Variants in RBM33 observed in about 807,000 individuals in gnomAD.
The protein encoded by RBM33 is RNA binding motif protein 33.
A neutral mutation model predicts 132.6 loss-of-function variants in RBM33; 28 were observed. The ratio of observed to expected loss-of-function variants is 0.21; its 90% CI spans 0.16 to 0.29. The LOEUF is 0.29. Ranked by LOEUF, RBM33 falls within the 10% of genes least tolerant of loss-of-function variation. RBM33 has a pLI of 1.00. For synonymous variants in RBM33, 634 were observed against 593.0 expected (o/e 1.07, Z -1.01); for missense variants, 1,291 against 1,518.5 (o/e 0.85, Z 2.49).
intron 1 of RBM33, among the ~76,000 whole-genome samples, chr7:155,660,475 C>A (rs1478476149): frequency 6.6e-6 from 1 of 152,220 alleles, no homozygotes; most frequent in African/African-American, 2.4e-5. Flanking sequence ...GTTCTGCCAG[C>A]AACAGATTTC....
intron 1 of RBM33, among the ~76,000 whole-genome samples, chr7:155,657,393 A>G (rs1419285986): frequency 6.6e-6 from 1 of 152,230 alleles, no homozygotes; most frequent in Non-Finnish European, 1.5e-5. Context: ...TGAATCAAAA[A>G]TCAGTGAGGA....
chr7:155,688,431 A>C (rs185641873), intron 5 of RBM33, among the ~76,000 whole-genome samples: 1 of 152,178 alleles, frequency 6.6e-6, no homozygotes, highest in Admixed American at 6.5e-5. Context: ...AACAGGGACA[A>C]TTTGACTTCC....
rs751692002 is a variant in RBM33 at position 155,745,287 on chromosome 7, C to G, written c.2664C>G (p.Pro888=). Residue 888 remains proline (P), a synonymous_variant, in exon 14 of 18, where the codon CCC becomes CCG. Transcript: ENST00000401878. This position sits in a 1 kb window ranked among gnomAD's most constrained non-coding sequence, Gnocchi z 4.1. ...NQDVSISNVQ[P]KTSNFVPSSA... The stretch of plus-strand genomic sequence containing the variant: ...ATGTCAGTATTTCAAACGTTCAGCC[C>G]AAAACATCCAATTTTGTACCATCCA... 2 of 1,612,682 alleles carry G rather than the reference C, an allele frequency of 1.2e-6. No individual in the cohort carries two copies. The highest frequency in any genetic ancestry group is 2.2e-5 in the South Asian group (2 of 90,762).
chr7:155,736,897 A>G (rs943288015), intron 9 of RBM33, among the ~76,000 whole-genome samples: 4 of 152,224 alleles, frequency 2.6e-5, no homozygotes, highest in Non-Finnish European at 5.9e-5. Context: ...ACATTAAAAC[A>G]TTGACTTAAT....
chr7:155,689,562 A>G (rs59443348), intron 5 of RBM33, among the ~76,000 whole-genome samples: 106,864 of 152,022 alleles, frequency 0.7, 38,002 homozygotes, highest in South Asian at 0.8. Flanking sequence ...TAATTGTGAT[A>G]TTAGGGTGTC....
intron 1 of RBM33, among the ~76,000 whole-genome samples, chr7:155,648,510 T>C (rs1798263342): frequency 6.6e-6 from 1 of 152,214 alleles, no homozygotes; most frequent in Non-Finnish European, 1.5e-5. Context: ...AAACAAGTTT[T>C]AGTACTTCAA....
At chr7:155,686,686 G>A (rs1354359195) in intron 5 of RBM33, among the ~76,000 whole-genome samples, 2 of 151,916 alleles carry the variant, frequency 1.3e-5, no homozygotes, top group Non-Finnish European at 2.9e-5. Flanking sequence ...GTGTCCAAGT[G>A]TTCTCATTGT....
At chr7:155,727,875 C>T (rs912880544) in intron 9 of RBM33, among the ~76,000 whole-genome samples, 2 of 152,206 alleles carry the variant, frequency 1.3e-5, no homozygotes, top group African/African-American at 2.4e-5. Flanking sequence ...AGGTGATCCT[C>T]TCACCGCAGC....
At chr7:155,734,430 A>G (rs1801049453) in intron 9 of RBM33, among the ~76,000 whole-genome samples, 1 of 152,228 alleles carries the variant, frequency 6.6e-6, no homozygotes, top group South Asian at 2.1e-4. Context: ...AACGTTGGAA[A>G]TGGTTTTTCA....
intron 2 of RBM33, 93 bp from the exon 3 acceptor site, chr7:155,672,774 A>T: frequency 1.1e-4 from 71 of 623,380 alleles, no homozygotes; most frequent in Non-Finnish European, 1.8e-4. Flanking sequence ...AAGGTACCTG[A>T]GCTGTAGAGT....
intron 16 of RBM33, among the ~76,000 whole-genome samples, chr7:155,769,389 C>T (rs950592661): frequency 6.6e-6 from 1 of 152,168 alleles, no homozygotes; most frequent in African/African-American, 2.4e-5. Context: ...CCCTAGTGAC[C>T]GACTTCTCCC....
intron 5 of RBM33, among the ~76,000 whole-genome samples, chr7:155,689,759 C>G (rs1214446724): frequency 6.6e-6 from 1 of 152,170 alleles, no homozygotes; most frequent in African/African-American, 2.4e-5. Context: ...GCAGGTTGTT[C>G]AGTTTCCATG....
At chr7:155,763,164 C>T (rs1284096910) in intron 14 of RBM33, among the ~76,000 whole-genome samples, 1 of 152,214 alleles carries the variant, frequency 6.6e-6, no homozygotes, top group African/African-American at 2.4e-5. Context: ...TCTTGGAAAT[C>T]CACGTACTCT....
intron 3 of RBM33, among the ~76,000 whole-genome samples, chr7:155,674,935 G>T (rs1799135162): frequency 6.6e-6 from 1 of 152,146 alleles, no homozygotes; most frequent in Non-Finnish European, 1.5e-5. Flanking sequence ...AAAAAAGAAA[G>T]CCTTAAAAAG....
At chr7:155,655,534 C>CTTTTTTTT (rs756948005) in intron 1 of RBM33, among the ~76,000 whole-genome samples, 21 of 80,108 alleles carry the variant, frequency 2.6e-4, no homozygotes, top group South Asian at 5.8e-4. Flanking sequence ...GGCTGTTTGC[C>CTTTTTTTT]TTTTTTTTTT....
chr7:155,672,213 G>T, intron 2 of RBM33, among the ~76,000 whole-genome samples: 1 of 151,710 alleles, frequency 6.6e-6, no homozygotes, highest in East Asian at 1.9e-4. Flanking sequence ...CTTCATTAAG[G>T]TTTTTAAAGA....
At chr7:155,658,794 A>G (rs552779651) in intron 1 of RBM33, among the ~76,000 whole-genome samples, 70 of 152,288 alleles carry the variant, frequency 4.6e-4, no homozygotes, top group Middle Eastern at 3.4e-3. Context: ...TGGAACAACT[A>G]TTGACCTGGC....
intron 9 of RBM33, among the ~76,000 whole-genome samples, chr7:155,721,848 G>A (rs140968826): frequency 6.2e-4 from 95 of 152,180 alleles, no homozygotes; most frequent in African/African-American, 2.2e-3. Context: ...TTGTTAATTA[G>A]CATTATTTGG....
intron 16 of RBM33, among the ~76,000 whole-genome samples, chr7:155,769,435 G>A (rs533258290): frequency 2.6e-5 from 4 of 152,286 alleles, no homozygotes; most frequent in Admixed American, 1.3e-4. Context: ...GGGGGCTGCC[G>A]TCCCCCAGAG....
Sources: gnomAD v4.1 joint callset for allele counts (sites outside exome capture counted in the v4.1 genomes callset) on GRCh38, gnomAD v4.1.1 for gene constraint, Gnocchi (gnomAD v3.1) non-coding constraint, MANE v1.5 for transcripts, NCBI Gene and HGNC (gene_info 2026-07-23, HGNC 2026-07-21) for gene names.